The following BABAM2 variants were observed in gnomAD, a reference collection of about 807,000 sequenced individuals.
BABAM2 encodes BRISC and BRCA1-A complex member 2.
Under a neutral mutation model 54.7 loss-of-function variants are expected in BABAM2, and 31 were observed. The ratio of observed to expected loss-of-function variants is 0.57; its 90% CI spans 0.43 to 0.77. The LOEUF (loss-of-function observed/expected upper bound fraction) is 0.77. Among genes scored for constraint, BABAM2 ranks in the 30% least tolerant of loss-of-function variants. The probability of loss-of-function intolerance (pLI) is 0.00; values close to 1 mark genes in which losing one functional copy is unlikely to be tolerated. For missense variants in BABAM2, 364 were observed against 455.8 expected (o/e 0.80, Z 1.83); for synonymous variants, 167 against 162.9 (o/e 1.03, Z -0.19).
chr2:28,177,022 G>A (rs557597876), intron 7 of BABAM2, among the ~76,000 whole-genome samples: 1 of 152,164 alleles, frequency 6.6e-6, no homozygotes, highest in African/African-American at 2.4e-5. Flanking sequence ...TCTAAGTATA[G>A]CAATAAATTG....
At chr2:28,085,472 C>T (rs1025142253) in intron 6 of BABAM2, among the ~76,000 whole-genome samples, 3 of 151,858 alleles carry the variant, frequency 2.0e-5, no homozygotes, top group Non-Finnish European at 2.9e-5. Flanking sequence ...CCTGTGTAGA[C>T]GGAGACGTAA....
In BABAM2 at chr2:28,030,792, T is replaced by A. The variant is rs574243803; in HGVS notation, c.495+5372T>A. Among the ~76,000 whole-genome samples the A allele has an allele frequency of 5.9e-5, 9 of 152,266 alleles. No homozygotes were observed. In the South Asian group the frequency reaches 1.7e-3, roughly 28 times the overall value. ...ACAACACAGACTTATTATGTCATAGTTCTGGAGGGCGGAAGTCCAAAATGG... is the reference window on the plus strand; with the variant it reads ...ACAACACAGACTTATTATGTCATAGATCTGGAGGGCGGAAGTCCAAAATGG... On this transcript the variant is annotated intron_variant, in intron 5 of 11. Coordinates refer to ENST00000379624, the MANE Select transcript of BABAM2 (RefSeq NM_199191.3).
At chr2:28,148,580 C>T (rs1234903562) in intron 7 of BABAM2, among the ~76,000 whole-genome samples, 1 of 152,116 alleles carries the variant, frequency 6.6e-6, no homozygotes, top group African/African-American at 2.4e-5. Flanking sequence ...TTGGGCAGCT[C>T]GCCTTGTTGG....
At chr2:28,149,580 G>A (rs1671821904) in intron 7 of BABAM2, among the ~76,000 whole-genome samples, 1 of 152,198 alleles carries the variant, frequency 6.6e-6, no homozygotes, top group Non-Finnish European at 1.5e-5. Context: ...TCCACTGGCA[G>A]CAGATCTGGA....
intron 6 of BABAM2, among the ~76,000 whole-genome samples, chr2:28,084,814 AT>A (rs1665499171): frequency 6.6e-6 from 1 of 152,174 alleles, no homozygotes; most frequent in South Asian, 2.1e-4. Flanking sequence ...TTAAGAAACC[AT>A]GAAAAAGAGA....
chr2:27,977,557 A>C (rs1671689803), intron 3 of BABAM2, among the ~76,000 whole-genome samples: 1 of 152,220 alleles, frequency 6.6e-6, no homozygotes, highest in South Asian at 2.1e-4. Context: ...GTCACTACTG[A>C]TGAGGCTGCC....
intron 7 of BABAM2, among the ~76,000 whole-genome samples, chr2:28,230,445 A>G (rs1681269453): frequency 6.6e-6 from 1 of 151,508 alleles, no homozygotes; most frequent in Non-Finnish European, 1.5e-5. Flanking sequence ...TCCGGGCGTG[A>G]TGGCTCACGC....
At chr2:27,994,075 A>G (rs1397320892) in intron 4 of BABAM2, among the ~76,000 whole-genome samples, 4 of 152,120 alleles carry the variant, frequency 2.6e-5, no homozygotes, top group African/African-American at 9.7e-5. Flanking sequence ...TCAAATCTCC[A>G]TTTGGTGCCT....
intron 7 of BABAM2, among the ~76,000 whole-genome samples, chr2:28,221,635 A>T (rs1304867299): frequency 6.6e-6 from 1 of 151,962 alleles, no homozygotes; most frequent in African/African-American, 2.4e-5. Context: ...GCTGTATGGT[A>T]CTCCACTGGA....
chr2:28,116,790 G>A (rs533174267), intron 6 of BABAM2, among the ~76,000 whole-genome samples: 8 of 152,222 alleles, frequency 5.3e-5, no homozygotes, highest in African/African-American at 1.9e-4. Context: ...GCACTTCCAC[G>A]TACATTTGCA....
intron 10 of BABAM2, among the ~76,000 whole-genome samples, chr2:28,260,360 G>A (rs1029075822): frequency 2.8e-5 from 4 of 141,962 alleles, no homozygotes; most frequent in Admixed American, 1.5e-4. Context: ...GGAGTGCAGT[G>A]GCACAATCTT....
At chr2:28,225,518 C>A (rs374449227) in intron 7 of BABAM2, among the ~76,000 whole-genome samples, 1 of 152,104 alleles carries the variant, frequency 6.6e-6, no homozygotes, top group Admixed American at 6.6e-5. Flanking sequence ...AAAATTATCT[C>A]TTTTTGCACT....
intron 3 of BABAM2, among the ~76,000 whole-genome samples, chr2:27,981,931 A>AAAAGT (rs1672031781): frequency 6.6e-6 from 1 of 152,156 alleles, no homozygotes; most frequent in South Asian, 2.1e-4. Context: ...AGGAACTGCC[A>AAAAGT]GACTGTTTTC....
At chr2:27,969,227 G>T (rs1479129364) in intron 3 of BABAM2, among the ~76,000 whole-genome samples, 1 of 152,182 alleles carries the variant, frequency 6.6e-6, no homozygotes, top group Non-Finnish European at 1.5e-5. Context: ...CCAGCCACAT[G>T]AAACTGTGAG....
At chr2:28,302,158 TG>T (rs1688160076) in intron 11 of BABAM2, among the ~76,000 whole-genome samples, 1 of 152,204 alleles carries the variant, frequency 6.6e-6, no homozygotes, top group Non-Finnish European at 1.5e-5. Flanking sequence ...TCATCACGTC[TG>T]TTCTCCCAGC....
intron 2 of BABAM2, among the ~76,000 whole-genome samples, chr2:27,903,389 G>T (rs1378386506): frequency 6.6e-6 from 1 of 152,106 alleles, no homozygotes; most frequent in African/African-American, 2.4e-5. Flanking sequence ...TTAAATAGTT[G>T]TATACTGTTT....
At position 28,131,577 on chromosome 2, in the gene BABAM2, A is replaced by G. The variant is rs74719804; in HGVS notation, c.680+2197A>G. Among the ~76,000 whole-genome samples, 1,170 of 152,160 alleles carry G rather than the reference A, an allele frequency of 7.7e-3. 11 individuals carry two copies. The highest frequency in any genetic ancestry group is 0.027 in the African/African-American group (1,110 of 41,490). ...CCTCAGTCATAAAATAGACATAATA[A>G]TACCTATTTCTTAGTGTTGTTTTCA... On this transcript the variant is annotated intron_variant, in intron 7 of 11. Transcript: ENST00000379624.
chr2:28,158,711 C>G (rs576284566), intron 7 of BABAM2, among the ~76,000 whole-genome samples: 57 of 152,352 alleles, frequency 3.7e-4, no homozygotes, highest in Admixed American at 5.9e-4. Flanking sequence ...GAGACTTCTA[C>G]TACACTTGTT....
At chr2:28,040,331 C>T (rs1483572623) in intron 5 of BABAM2, among the ~76,000 whole-genome samples, 11 of 63,332 alleles carry the variant, frequency 1.7e-4, no homozygotes, top group African/African-American at 5.5e-4. Flanking sequence ...GACGGAGTCT[C>T]GCTCTGTCGC....
Sources: gnomAD v4.1 joint callset for allele counts (sites outside exome capture counted in the v4.1 genomes callset) on GRCh38, gnomAD v4.1.1 for gene constraint, MANE v1.5 for transcripts, NCBI Gene and HGNC (gene_info 2026-07-23, HGNC 2026-07-21) for gene names.